The following CACNB2 variants were observed in gnomAD, a reference collection of about 807,000 sequenced individuals.
CACNB2 encodes voltage-dependent L-type calcium channel subunit beta-2.
CACNB2 carries 42 observed loss-of-function variants against 73.3 expected under a neutral mutation model. The ratio of observed to expected loss-of-function variants is 0.57; its 90% CI spans 0.45 to 0.74. The LOEUF (loss-of-function observed/expected upper bound fraction) is 0.74. Among genes scored for constraint, CACNB2 ranks in the 30% least tolerant of loss-of-function variants. The probability of loss-of-function intolerance (pLI) is 0.00; values close to 1 mark genes in which losing one functional copy is unlikely to be tolerated. For missense variants in CACNB2, 940 were observed against 853.0 expected, an observed-to-expected ratio of 1.10 and a Z score of -1.27; for synonymous variants, 348 against 310.3, an observed-to-expected ratio of 1.12 and a Z score of -1.28.
At position 18,243,540 on chromosome 10, in the gene CACNB2, C is replaced by T. The variant is rs139820070; in HGVS notation, c.213+92565C>T. 1.0e-3 allele frequency among the ~76,000 whole-genome samples: 152 copies of T among 152,234 alleles called. 3 individuals are homozygous for T. The East Asian group carries it at 0.023, about 23-fold the overall frequency. The stretch of plus-strand genomic sequence containing the variant: ...TGAAATTTGATTCCCAATGAGGTAA[C>T]GTTGGGAGCTGGGGCCTAGTGGGTG... On this transcript the variant is annotated intron_variant, in intron 2 of 13. Transcript: ENST00000324631.
At chr10:18,338,639 C>G (rs1214057376) in intron 2 of CACNB2, among the ~76,000 whole-genome samples, 1 of 140,134 alleles carries the variant, frequency 7.1e-6, no homozygotes, top group East Asian at 2.0e-4. Context: ...TCCCTTCCTT[C>G]CTTCTTTCTT....
At chr10:18,435,689 G>T (rs1382923820) in intron 3 of CACNB2, among the ~76,000 whole-genome samples, 1 of 151,820 alleles carries the variant, frequency 6.6e-6, no homozygotes, top group African/African-American at 2.4e-5. Flanking sequence ...TTGTAGGGAT[G>T]GGGTTTCGCC....
chr10:18,379,291 C>A (rs1047790430), intron 2 of CACNB2, among the ~76,000 whole-genome samples: 1 of 152,160 alleles, frequency 6.6e-6, no homozygotes, highest in African/African-American at 2.4e-5. Flanking sequence ...TGGCTCACTG[C>A]AACCTCTGCC....
intron 3 of CACNB2, among the ~76,000 whole-genome samples, chr10:18,442,187 T>C (rs2132952316): frequency 6.6e-6 from 1 of 152,200 alleles, no homozygotes; most frequent in African/African-American, 2.4e-5. Flanking sequence ...TTCACTCTTG[T>C]TGCCTAGGCT....
intron 2 of CACNB2, among the ~76,000 whole-genome samples, chr10:18,337,754 C>T (rs1314079518): frequency 6.6e-6 from 1 of 152,136 alleles, no homozygotes; most frequent in Non-Finnish European, 1.5e-5. Context: ...TGTTTTACCA[C>T]CTGCATAAAA....
rs1013525790 is a variant in CACNB2 at position 18,459,133 on chromosome 10, A to G, written c.334-39222A>G. On this transcript the variant is annotated intron_variant, in intron 3 of 13. Coordinates refer to ENST00000324631, the MANE Select transcript of CACNB2 (RefSeq NM_201596.3). ...CTGTTGATAGCTCAACATTGAAGAT[A>G]CTATGAATTTTTAGTTAAAAATTTT... is the stretch of plus-strand genomic sequence containing the variant. Among the ~76,000 whole-genome samples the G allele has an allele frequency of 3.3e-5, 5 of 152,318 alleles. No homozygotes were observed. In the East Asian group the frequency reaches 7.7e-4, roughly 24 times the overall value.
intron 2 of CACNB2, among the ~76,000 whole-genome samples, chr10:18,178,257 G>C (rs866594184): frequency 3.9e-5 from 6 of 152,134 alleles, no homozygotes; most frequent in African/African-American, 1.4e-4. Context: ...CTTTTTCTGT[G>C]TTTTAGTGAT....
At chr10:18,211,468 A>G (rs1435617770) in intron 2 of CACNB2, among the ~76,000 whole-genome samples, 1 of 152,210 alleles carries the variant, frequency 6.6e-6, no homozygotes, top group Non-Finnish European at 1.5e-5. Flanking sequence ...ACCCAGCTTC[A>G]TGAGCTGGGT....
chr10:18,453,400 C>T (rs1244690615), intron 3 of CACNB2, among the ~76,000 whole-genome samples: 1 of 152,176 alleles, frequency 6.6e-6, no homozygotes, highest in Non-Finnish European at 1.5e-5. Context: ...AGCAGGTACT[C>T]TTGTCTCCCT....
chr10:18,263,120 C>G (rs1298045369), intron 2 of CACNB2, among the ~76,000 whole-genome samples: 2 of 152,224 alleles, frequency 1.3e-5, no homozygotes, highest in Non-Finnish European at 2.9e-5. Flanking sequence ...AACCCACCTG[C>G]TGCTGTTTTA....
At chr10:18,245,616 C>A (rs1289642609) in intron 2 of CACNB2, among the ~76,000 whole-genome samples, 1 of 152,156 alleles carries the variant, frequency 6.6e-6, no homozygotes, top group African/African-American at 2.4e-5. Flanking sequence ...CAGGCAGGAG[C>A]CGTCACACCT....
intron 7 of CACNB2, 160 bp downstream of exon 7, chr10:18,514,529 C>T (rs1444943349): frequency 3.7e-6 from 6 of 1,613,818 alleles, no homozygotes; most frequent in Non-Finnish European, 5.1e-6. Flanking sequence ...AAGCAGAAAT[C>T]GGTAAGTTTA....
chr10:18,426,652 C>T (rs2045612709), intron 3 of CACNB2, among the ~76,000 whole-genome samples: 1 of 152,118 alleles, frequency 6.6e-6, no homozygotes, highest in South Asian at 2.1e-4. Context: ...CTAGCCTGGG[C>T]AACCTGGCGA....
intron 2 of CACNB2, among the ~76,000 whole-genome samples, chr10:18,196,805 A>G (rs1564335587): frequency 6.6e-6 from 1 of 152,214 alleles, no homozygotes; most frequent in East Asian, 1.9e-4. Flanking sequence ...CTTTCTCCTA[A>G]AAGTAATTTA....
chr10:18,532,697 C>CAAAAAAAAAAAAAAAAAAAA lies in CACNB2; in HGVS notation c.1055-1375_1055-1374insAAAAAAAAAAAAAAAAAAAA, dbSNP rs1187679628. Reference sequence around the variant, plus strand: ...GTCTCAAAAAAAAAAAAAAAAAAAACAAAACAAAAAAACAAACAAACAAAA... The same window carrying CAAAAAAAAAAAAAAAAAAAA: ...GTCTCAAAAAAAAAAAAAAAAAAAACAAAAAAAAAAAAAAAAAAAAAAAACAAAAAAACAAACAAACAAAA... On this transcript the variant is annotated intron_variant, in intron 10 of 13. Coordinates refer to ENST00000324631, the MANE Select transcript of CACNB2 (RefSeq NM_201596.3). 4.8e-5 allele frequency among the ~76,000 whole-genome samples: 6 copies of CAAAAAAAAAAAAAAAAAAAA among 125,104 alleles called. 1 individual carries two copies. Among genetic ancestry groups the CAAAAAAAAAAAAAAAAAAAA allele is most frequent in the African/African-American group, 9.5e-5 (3 of 31,600 alleles). 82.1% of individuals were successfully genotyped at this position (125,104 alleles called of 152,430 possible). A position where few individuals can be genotyped will look rare whatever the true frequency, so the allele number is the denominator to read the frequency against.
At chr10:18,219,095 G>A (rs527285651) in intron 2 of CACNB2, among the ~76,000 whole-genome samples, 53 of 152,270 alleles carry the variant, frequency 3.5e-4, no homozygotes, top group African/African-American at 1.2e-3. Flanking sequence ...AGCCTGGGAG[G>A]TCGAGGCTCC....
At chr10:18,316,358 C>G (rs1162766636) in intron 2 of CACNB2, among the ~76,000 whole-genome samples, 2 of 152,022 alleles carry the variant, frequency 1.3e-5, no homozygotes, top group Non-Finnish European at 2.9e-5. Flanking sequence ...TGAAATAGGC[C>G]TGATAAATCA....
chr10:18,261,122 C>A, intron 2 of CACNB2: 6 of 1,396,114 alleles, frequency 4.3e-6, no homozygotes, highest in Non-Finnish European at 2.8e-6. Context: ...TTTTTAGAAA[C>A]TACCTAGGAG....
At chr10:18,471,038 G>GA (rs2048161747) in intron 3 of CACNB2, among the ~76,000 whole-genome samples, 1 of 152,004 alleles carries the variant, frequency 6.6e-6, no homozygotes, top group South Asian at 2.1e-4. Flanking sequence ...GGTGCGGTGG[G>GA]TCACACCTGT....
Sources: allele counts gnomAD v4.1 joint callset (sites outside exome capture counted in the v4.1 genomes callset), GRCh38; gene constraint gnomAD v4.1.1; transcripts MANE v1.5; gene names NCBI Gene and HGNC (gene_info 2026-07-23, HGNC 2026-07-21).